LZTFL1: variants seen among roughly 807,000 people sequenced by gnomAD.
LZTFL1 encodes the protein leucine zipper transcription factor like 1.
A neutral mutation model predicts 45.9 loss-of-function variants in LZTFL1; 25 were observed. That is an observed-to-expected ratio of 0.54 (90% confidence interval 0.40 to 0.76). The LOEUF is 0.76. Among genes scored for constraint, LZTFL1 ranks in the 30% least tolerant of loss-of-function variants. The pLI is 0.00. For synonymous variants in LZTFL1, 93 were observed against 117.4 expected (o/e 0.79, Z 1.35); for missense variants, 277 against 331.1 (o/e 0.84, Z 1.27).
upstream of LZTFL1, among the ~76,000 whole-genome samples, chr3:45,846,799 G>A (rs546809159): frequency 6.6e-6 from 1 of 152,164 alleles, no homozygotes; most frequent in Non-Finnish European, 1.5e-5. Flanking sequence ...GGAGGTGGAA[G>A]GGGAGTCAGG....
At chr3:45,870,339 G>A (rs1288276752) in intron 2 of LZTFL1, among the ~76,000 whole-genome samples, 2 of 152,208 alleles carry the variant, frequency 1.3e-5, no homozygotes, top group Non-Finnish European at 2.9e-5. Flanking sequence ...ACAGAAGCCT[G>A]GAAACTAAGT....
intron 2 of LZTFL1, chr3:45,903,276 C>T (rs1702613422): frequency 6.2e-6 from 1 of 161,372 alleles, no homozygotes; most frequent in Admixed American, 6.5e-5. Context: ...CTGCTTCTCT[C>T]TACTGCAATT....
chr3:45,882,388 A>G (rs145881410), intron 2 of LZTFL1, among the ~76,000 whole-genome samples: 206 of 152,344 alleles, frequency 1.4e-3, no homozygotes, highest in African/African-American at 4.5e-3. Flanking sequence ...ATCAATGAAA[A>G]GTAGAAAGAC....
chr3:45,842,035 G>A lies in LZTFL1; in HGVS notation c.-44C>T, dbSNP rs1264996125. 6.2e-7 allele frequency: 1 copy of A among 1,603,158 alleles called. No individual in the cohort carries two copies. On this transcript the variant is annotated 5_prime_UTR_variant, in exon 1 of 10. Coordinates refer to ENST00000296135, the MANE Select transcript of LZTFL1 (RefSeq NM_020347.4). Reference sequence around the variant, plus strand: ...CAGCCTAAAGGAACGGGAGAGGCCAGGCGGTGCCCCGCCAAGCCTGGGATC... The same window carrying A: ...CAGCCTAAAGGAACGGGAGAGGCCAAGCGGTGCCCCGCCAAGCCTGGGATC...
intron 4 of LZTFL1, among the ~76,000 whole-genome samples, chr3:45,848,040 C>T (rs1039030422): frequency 6.6e-6 from 1 of 152,208 alleles, no homozygotes; most frequent in Non-Finnish European, 1.5e-5. Context: ...TCGACCCATC[C>T]TTTGCTGGCA....
intron 3 of LZTFL1, among the ~76,000 whole-genome samples, chr3:45,858,139 T>C (rs1410306471): frequency 1.3e-5 from 2 of 152,188 alleles, no homozygotes; most frequent in Non-Finnish European, 2.9e-5. Context: ...CCTGTCTATA[T>C]CCATTTCCAA....
intron 2 of LZTFL1, among the ~76,000 whole-genome samples, chr3:45,890,641 G>T (rs960942904): frequency 6.6e-6 from 1 of 151,992 alleles, no homozygotes; most frequent in African/African-American, 2.4e-5. Flanking sequence ...AGCTGAAGAT[G>T]TCAGAACCGT....
At chr3:45,832,333 A>C (rs1377850399) in intron 5 of LZTFL1, among the ~76,000 whole-genome samples, 3 of 152,224 alleles carry the variant, frequency 2.0e-5, no homozygotes, top group Non-Finnish European at 4.4e-5. Context: ...CATAATGTTG[A>C]GAATACAAGG....
intron 2 of LZTFL1, among the ~76,000 whole-genome samples, chr3:45,877,177 C>T (rs2125721910): frequency 6.6e-6 from 1 of 152,028 alleles, no homozygotes; most frequent in East Asian, 1.9e-4. Flanking sequence ...AGACCTCTTT[C>T]CAGTAGGGCT....
Position 45,826,135 on chromosome 3 carries a change from CACTAGGTTTTCT to C in LZTFL1, c.*167_*178del, listed in dbSNP as rs1700656475. 8.2e-6 allele frequency: 5 copies of C among 608,112 alleles called. No homozygotes were observed. Among genetic ancestry groups the C allele is most frequent in the Non-Finnish European group, 1.2e-5 (4 of 343,200 alleles). The allele number at this position is 608,112 out of a possible 1,614,324, so 37.7% of individuals were successfully genotyped here. A position where few individuals can be genotyped will look rare whatever the true frequency, so the allele number is the denominator to read the frequency against. On this transcript the variant is annotated 3_prime_UTR_variant, in exon 10 of 10. Transcript: ENST00000296135. Reference sequence around the variant, plus strand: ...GGTGTGTGGGATGACCAGACAGAATCACTAGGTTTTCTCTGTTTTCAACTAGCTGAAAATAGG... The same window carrying C: ...GGTGTGTGGGATGACCAGACAGAATCCTGTTTTCAACTAGCTGAAAATAGG...
At chr3:45,863,537 T>A (rs1404473675) in intron 2 of LZTFL1, among the ~76,000 whole-genome samples, 2 of 152,168 alleles carry the variant, frequency 1.3e-5, no homozygotes, top group Non-Finnish European at 2.9e-5. Context: ...GATCCTAGCA[T>A]CAGGAATAGT....
Position 45,827,417 on chromosome 3 carries a change from T to C in LZTFL1, c.820A>G (p.Met274Val), listed in dbSNP as rs750769891. 3 of 1,614,030 alleles carry C rather than the reference T, an allele frequency of 1.9e-6. No individual in the cohort carries two copies. The highest frequency in any genetic ancestry group is 1.7e-6 in the Non-Finnish European group (2 of 1,179,908). Residue 274 changes from methionine to valine, a missense_variant, in exon 9 of 10, where the codon ATG becomes GTG. Coordinates refer to ENST00000296135, the MANE Select transcript of LZTFL1 (RefSeq NM_020347.4). ...TTCTTCTTGGTAAGAATCTCTTTCATGTTTCGATAAGCTGCTGTTTGCTGA... is the reference window on the plus strand; with the variant it reads ...TTCTTCTTGGTAAGAATCTCTTTCACGTTTCGATAAGCTGCTGTTTGCTGA... ...KFQQTAAYRN[M>V]KEILTKKNDQ...
At chr3:45,838,732 C>T (rs2125690752) in intron 1 of LZTFL1, among the ~76,000 whole-genome samples, 1 of 152,296 alleles carries the variant, frequency 6.6e-6, no homozygotes, top group South Asian at 2.1e-4. Context: ...CAGCAGTCAG[C>T]TAAGAGCAAG....
intron 2 of LZTFL1, among the ~76,000 whole-genome samples, chr3:45,890,930 G>T (rs1702159943): frequency 6.6e-6 from 1 of 152,142 alleles, no homozygotes; most frequent in African/African-American, 2.4e-5. Context: ...GTGGGAAAAA[G>T]AAAATAAAAG....
chr3:45,827,708 C>T (rs1700704919), intron 8 of LZTFL1, among the ~76,000 whole-genome samples: 1 of 151,908 alleles, frequency 6.6e-6, no homozygotes, highest in Non-Finnish European at 1.5e-5. Context: ...TAACTCAAGC[C>T]CTGGATATGA....
At position 45,850,746 on chromosome 3, in the gene LZTFL1, A is replaced by G. The variant is rs572035270; in HGVS notation, c.-49+4240T>C. 5.3e-5 allele frequency among the ~76,000 whole-genome samples: 8 copies of G among 152,184 alleles called. No individual in the cohort carries two copies. In the East Asian group the frequency reaches 1.2e-3, roughly 22 times the overall value. On this transcript the variant is annotated intron_variant, in intron 4 of 4. Coordinates refer to the LZTFL1 transcript ENST00000472635. ...CCTCTCCCTCCCAACACCTGTACCT[A>G]TGGGTGGCTGGTAGTCTGTGCGTCC...
At chr3:45,902,565 G>T (rs1702592506) in intron 2 of LZTFL1, 2 of 167,206 alleles carry the variant, frequency 1.2e-5, no homozygotes, top group Admixed American at 6.5e-5. Flanking sequence ...TCCAAAGTCT[G>T]TTGGCTTCCA....
At chr3:45,841,283 A>T (rs1701103885) in intron 1 of LZTFL1, among the ~76,000 whole-genome samples, 1 of 152,344 alleles carries the variant, frequency 6.6e-6, no homozygotes, top group Non-Finnish European at 1.5e-5. Context: ...CCCTGGTTTC[A>T]TCCGTTTTCC....
At chr3:45,899,684 G>T (rs1443042695) in intron 2 of LZTFL1, among the ~76,000 whole-genome samples, 3 of 152,200 alleles carry the variant, frequency 2.0e-5, no homozygotes, top group Non-Finnish European at 4.4e-5. Flanking sequence ...AAACTGGTGG[G>T]AAGTGAGAGC....
Sources: gnomAD v4.1 joint callset for allele counts (sites outside exome capture counted in the v4.1 genomes callset) on GRCh38, gnomAD v4.1.1 for gene constraint, MANE v1.5 for transcripts, NCBI Gene and HGNC (gene_info 2026-07-23, HGNC 2026-07-21) for gene names.